Variants in THSD7B observed in about 807,000 individuals in gnomAD.
THSD7B encodes the protein thrombospondin type-1 domain-containing protein 7B.
Under a neutral mutation model 213.6 loss-of-function variants are expected in THSD7B, and 138 were observed. The ratio of observed to expected loss-of-function variants is 0.65; its 90% confidence interval spans 0.56 to 0.74. The LOEUF is 0.74. Among genes scored for constraint, THSD7B ranks in the 30% least tolerant of loss-of-function variants. THSD7B has a pLI of 0.00. For missense variants in THSD7B, 1,931 were observed against 1,991.5 expected (o/e 0.97, Z 0.58); for synonymous variants, 742 against 687.0 (o/e 1.08, Z -1.25).
chr2:137,418,006 A>G (rs1686836501), intron 14 of THSD7B, among the ~76,000 whole-genome samples: 2 of 152,228 alleles, frequency 1.3e-5, no homozygotes, highest in Admixed American at 1.3e-4. Context: ...GGGAAGAATA[A>G]TAGTGTCTGG....
chr2:137,515,556 A>G (rs1680052033), intron 15 of THSD7B, among the ~76,000 whole-genome samples: 1 of 152,158 alleles, frequency 6.6e-6, no homozygotes. Context: ...TAATTAATAT[A>G]AGCAGAAATC....
chr2:136,952,302 T>C (rs944719871), intron 2 of THSD7B, among the ~76,000 whole-genome samples: 3 of 152,132 alleles, frequency 2.0e-5, no homozygotes, highest in African/African-American at 7.2e-5. Context: ...ATAACTTAAA[T>C]TGTTATTTGT....
intron 15 of THSD7B, among the ~76,000 whole-genome samples, chr2:137,558,828 C>T (rs1360885660): frequency 6.6e-6 from 1 of 152,118 alleles, no homozygotes; most frequent in Non-Finnish European, 1.5e-5. Context: ...TCATCTCAGC[C>T]CCAAATCTCC....
intron 2 of THSD7B, among the ~76,000 whole-genome samples, chr2:137,053,250 G>A (rs1046717722): frequency 6.6e-6 from 1 of 152,038 alleles, no homozygotes; most frequent in Non-Finnish European, 1.5e-5. Flanking sequence ...ATAATTTTTA[G>A]AGTTAATATT....
At chr2:137,151,917 A>T (rs1171703115) in intron 5 of THSD7B, among the ~76,000 whole-genome samples, 1 of 151,908 alleles carries the variant, frequency 6.6e-6, no homozygotes, top group Non-Finnish European at 1.5e-5. Flanking sequence ...GTGAAGTGTC[A>T]TTATGTGGCA....
At chr2:137,672,167 A>T (rs1188708050) in intron 27 of THSD7B, among the ~76,000 whole-genome samples, 1 of 152,214 alleles carries the variant, frequency 6.6e-6, no homozygotes, top group Non-Finnish European at 1.5e-5. Flanking sequence ...AAAACAGTAT[A>T]GGAAAAAAAA....
intron 7 of THSD7B, among the ~76,000 whole-genome samples, chr2:137,175,360 A>G (rs923105077): frequency 6.6e-6 from 1 of 152,242 alleles, no homozygotes; most frequent in Admixed American, 6.5e-5. Context: ...GCAAATGCCC[A>G]CACTACTGAA....
intron 2 of THSD7B, among the ~76,000 whole-genome samples, chr2:136,987,866 GCCAAGACTTCC>G (rs1357675441): frequency 6.6e-6 from 1 of 152,038 alleles, no homozygotes; most frequent in Non-Finnish European, 1.5e-5. Flanking sequence ...ACATTATTAA[GCCAAGACTTCC>G]CCACATCTTT....
intron 3 of THSD7B, among the ~76,000 whole-genome samples, chr2:137,059,324 C>T (rs1687227027): frequency 2.0e-5 from 3 of 152,110 alleles, no homozygotes; most frequent in Non-Finnish European, 4.4e-5. Context: ...GAACACAATT[C>T]AGTGTGCAGC....
At chr2:137,078,363 G>A (rs931743902) in intron 3 of THSD7B, among the ~76,000 whole-genome samples, 1 of 152,200 alleles carries the variant, frequency 6.6e-6, no homozygotes, top group Admixed American at 6.5e-5. Flanking sequence ...TGATATCATA[G>A]TAGAGTTTTT....
intron 15 of THSD7B, among the ~76,000 whole-genome samples, chr2:137,523,847 T>C (rs956100286): frequency 1.3e-5 from 2 of 152,152 alleles, no homozygotes; most frequent in African/African-American, 4.8e-5. Context: ...CCTAAGATCA[T>C]TATATGATTC....
chr2:137,658,910 T>C (rs1683289639), intron 24 of THSD7B, among the ~76,000 whole-genome samples: 1 of 152,216 alleles, frequency 6.6e-6, no homozygotes. Context: ...ACTATATAAA[T>C]GGTGCTTTGT....
chr2:137,518,490 A>G (rs1680116720), intron 15 of THSD7B, among the ~76,000 whole-genome samples: 1 of 152,208 alleles, frequency 6.6e-6, no homozygotes, highest in South Asian at 2.1e-4. Flanking sequence ...AAGAAGCACG[A>G]TTGGAAAATT....
At chr2:137,247,679 T>C (rs1316767579) in intron 10 of THSD7B, among the ~76,000 whole-genome samples, 1 of 152,152 alleles carries the variant, frequency 6.6e-6, no homozygotes, top group African/African-American at 2.4e-5. Flanking sequence ...CAGAGACTGC[T>C]GCTGGGAATT....
intron 20 of THSD7B, among the ~76,000 whole-genome samples, chr2:137,627,522 A>G (rs1682653706): frequency 6.6e-6 from 1 of 152,220 alleles, no homozygotes; most frequent in Non-Finnish European, 1.5e-5. Flanking sequence ...GCAATAAGTT[A>G]TGGACTCATC....
chr2:137,563,164 AT>A, intron 15 of THSD7B, 56 bp from the exon 16 acceptor site: 1 of 1,570,916 alleles, frequency 6.4e-7, no homozygotes, highest in Non-Finnish European at 8.7e-7. Flanking sequence ...AAGATAGGCT[AT>A]TTTTCTATAA....
intron 2 of THSD7B, among the ~76,000 whole-genome samples, chr2:137,016,956 T>G (rs938627883): frequency 6.6e-6 from 1 of 152,128 alleles, no homozygotes; most frequent in Non-Finnish European, 1.5e-5. Flanking sequence ...GTTTTCCAAA[T>G]ATAATACAGC....
chr2:137,204,337 G>A (rs534500999), intron 7 of THSD7B, among the ~76,000 whole-genome samples: 23 of 152,210 alleles, frequency 1.5e-4, no homozygotes, highest in Non-Finnish European at 2.8e-4. Flanking sequence ...TTGAGAATGC[G>A]TAGTTATGGT....
chr2:136,905,954 A>T (rs1164561376), intron 2 of THSD7B, among the ~76,000 whole-genome samples: 2 of 152,226 alleles, frequency 1.3e-5, no homozygotes, highest in African/African-American at 4.8e-5. Context: ...GGCAGAATCA[A>T]GCTGTGACAT....
Sources: gnomAD v4.1 joint callset for allele counts (sites outside exome capture counted in the v4.1 genomes callset) on GRCh38, gnomAD v4.1.1 for gene constraint, MANE v1.5 for transcripts, NCBI Gene and HGNC (gene_info 2026-07-23, HGNC 2026-07-21) for gene names.